VPS36: variants seen among roughly 807,000 people sequenced by gnomAD.
VPS36 encodes the protein vacuolar protein-sorting-associated protein 36.
In VPS36, 31 loss-of-function variants were observed where a neutral mutation model predicts 63.5. That is an observed-to-expected ratio of 0.49 (90% CI 0.37 to 0.66). The LOEUF (loss-of-function observed/expected upper bound fraction) is 0.66, where lower values mean the gene tolerates loss of function less well. Among genes scored for constraint, VPS36 ranks in the 30% least tolerant of loss-of-function variants. The pLI is 0.00. For synonymous variants in VPS36, 138 were observed against 157.2 expected, an observed-to-expected ratio of 0.88 and a Z score of 0.91; for missense variants, 338 against 463.7, an observed-to-expected ratio of 0.73 and a Z score of 2.49.
intron 6 of VPS36, among the ~76,000 whole-genome samples, chr13:52,433,011 T>TA (rs968067233): frequency 2.0e-5 from 3 of 152,202 alleles, no homozygotes; most frequent in Admixed American, 6.5e-5. Context: ...CATCATTTCA[T>TA]AAAAAACCAA....
intron 6 of VPS36, 113 bp from the exon 7 acceptor site, chr13:52,427,332 G>A (rs900688270): frequency 1.3e-5 from 15 of 1,121,174 alleles, no homozygotes; most frequent in African/African-American, 4.7e-5. Flanking sequence ...TCAGCCGGGC[G>A]CAGTGGCTCA....
intron 10 of VPS36, among the ~76,000 whole-genome samples, chr13:52,422,191 G>A (rs4297582): frequency 0.95 from 145,045 of 152,316 alleles, 69,066 homozygotes; most frequent in East Asian, 0.99. Flanking sequence ...TTTTTAGCTC[G>A]CACATGAGTG....
chr13:52,441,771 G>A (rs1332232357), intron 2 of VPS36, among the ~76,000 whole-genome samples: 4 of 151,768 alleles, frequency 2.6e-5, no homozygotes, highest in Admixed American at 1.3e-4. Flanking sequence ...GGGGGGATGC[G>A]TGGGGGACTC....
chr13:52,425,800 C>G lies in VPS36; in HGVS notation c.774+132G>C, dbSNP rs1958095880. On this transcript the variant is annotated intron_variant, in intron 9 of 13. Transcript: ENST00000378060. ...AGCACAATGAACTTATTTAATATAC[C>G]TGAAAGAAAAAAAAAACATGTCAGT... 11 of 982,872 alleles carry G rather than the reference C, an allele frequency of 1.1e-5. No individual in the cohort carries two copies. The East Asian group carries it at 3.3e-4, about 30-fold the overall frequency. 60.9% of individuals were successfully genotyped at this position (982,872 alleles called of 1,614,324 possible).
At chr13:52,441,648 A>G (rs1016840110) in intron 2 of VPS36, among the ~76,000 whole-genome samples, 8 of 152,126 alleles carry the variant, frequency 5.3e-5, no homozygotes, top group Non-Finnish European at 7.4e-5. Flanking sequence ...GCTACTCAGG[A>G]GGCTGAGGCA....
Position 52,436,273 on chromosome 13 carries a change from T to A in VPS36, c.351+17A>T. The A allele has an allele frequency of 6.7e-7, 1 of 1,493,662 alleles. No homozygotes were observed. The highest frequency in any genetic ancestry group is 9.3e-7 in the Non-Finnish European group (1 of 1,080,044). The allele number at this position is 1,493,662 out of a possible 1,614,324, so 92.5% of individuals were successfully genotyped here. ...CACACACCTTTCTAGTACGATTTTA[T>A]TCATGTAGAAACTTACCTCAATCTG... On this transcript the variant is annotated intron_variant, in intron 4 of 13. Coordinates refer to ENST00000378060, the MANE Select transcript of VPS36 (RefSeq NM_016075.4).
intron 9 of VPS36, 36 bp downstream of exon 9, chr13:52,425,896 A>C (rs370328744): frequency 1.0e-5 from 16 of 1,589,322 alleles, no homozygotes; most frequent in Non-Finnish European, 1.4e-5. Flanking sequence ...CTAATTTAAC[A>C]CAGTTTAAAA....
intron 2 of VPS36, among the ~76,000 whole-genome samples, chr13:52,439,422 G>A (rs993832167): frequency 6.6e-6 from 1 of 151,816 alleles, no homozygotes; most frequent in African/African-American, 2.4e-5. Context: ...TACAATGGGT[G>A]TATTTTCTTT....
chr13:52,427,304 C>CA, intron 6 of VPS36, 85 bp from the exon 7 acceptor site: 1 of 1,506,236 alleles, frequency 6.6e-7, no homozygotes. Context: ...ATTTTTTCCC[C>CA]ATAAAAATTT....
chr13:52,416,002 A>G lies in VPS36; in HGVS notation c.1067+15T>C. The G allele has an allele frequency of 1.2e-6, 2 of 1,613,838 alleles. No homozygotes were observed. The highest frequency in any genetic ancestry group is 1.7e-6 in the Non-Finnish European group (2 of 1,179,912). On this transcript the variant is annotated intron_variant, in intron 13 of 13. Coordinates refer to ENST00000378060, the MANE Select transcript of VPS36 (RefSeq NM_016075.4). ...ACAAACATACATTGTAATGAAAGGT[A>G]AGAACCTTACTTACCTTTCTTTGGC...
intron 11 of VPS36, among the ~76,000 whole-genome samples, chr13:52,417,596 G>A (rs1163027673): frequency 6.6e-6 from 1 of 152,196 alleles, no homozygotes; most frequent in East Asian, 1.9e-4. Context: ...CCGACCTCAG[G>A]TGATCTGCCC....
chr13:52,432,254 G>C (rs1958166885), intron 6 of VPS36, among the ~76,000 whole-genome samples: 1 of 152,120 alleles, frequency 6.6e-6, no homozygotes, highest in Non-Finnish European at 1.5e-5. Context: ...GGGAGGCTGA[G>C]GCAGGAGAAT....
chr13:52,427,884 T>C (rs1958119288), intron 6 of VPS36, among the ~76,000 whole-genome samples: 1 of 152,196 alleles, frequency 6.6e-6, no homozygotes, highest in Admixed American at 6.5e-5. Context: ...TCTAAAATCA[T>C]TTTCTAATAG....
At chr13:52,431,063 G>A (rs1332197243) in intron 6 of VPS36, among the ~76,000 whole-genome samples, 3 of 151,920 alleles carry the variant, frequency 2.0e-5, no homozygotes, top group Non-Finnish European at 4.4e-5. Flanking sequence ...TACAGAATGA[G>A]GCTTCAGACA....
chr13:52,425,415 C>T (rs1170613068), intron 9 of VPS36, among the ~76,000 whole-genome samples: 2 of 151,978 alleles, frequency 1.3e-5, no homozygotes, highest in Admixed American at 6.6e-5. Context: ...GATGTGATGT[C>T]TGGGATTTGC....
At position 52,442,457 on chromosome 13, in the gene VPS36, G is replaced by A. The variant is rs752068735; in HGVS notation, c.97-12C>T. ...GCATCAAATTTTATCTAGAAAGAAA[G>A]AGCATCACAAAATATTAATAACATA... On this transcript the variant is annotated splice_polypyrimidine_tract_variant and intron_variant, in intron 1 of 13. Coordinates refer to ENST00000378060, the MANE Select transcript of VPS36 (RefSeq NM_016075.4). The A allele has an allele frequency of 6.2e-7, 1 of 1,608,242 alleles. No individual in the cohort carries two copies. The highest frequency in any genetic ancestry group is 8.5e-7 in the Non-Finnish European group (1 of 1,177,484).
chr13:52,446,665 G>GA (rs1348558543), intron 1 of VPS36, among the ~76,000 whole-genome samples: 1 of 151,174 alleles, frequency 6.6e-6, no homozygotes, highest in Non-Finnish European at 1.5e-5. Flanking sequence ...GTTCAGTGTT[G>GA]AAAATCTCGA....
chr13:52,439,870 G>A (rs144864220), intron 2 of VPS36, among the ~76,000 whole-genome samples: 3 of 152,254 alleles, frequency 2.0e-5, no homozygotes, highest in Non-Finnish European at 2.9e-5. Flanking sequence ...CATTTATGTA[G>A]ATGACTTTCT....
chr13:52,439,434 T>C (rs985690119), intron 2 of VPS36, among the ~76,000 whole-genome samples: 3 of 151,720 alleles, frequency 2.0e-5, no homozygotes, highest in African/African-American at 7.3e-5. Context: ...ATTTTCTTTA[T>C]TATTATTATT....
Sources: allele counts gnomAD v4.1 joint callset (sites outside exome capture counted in the v4.1 genomes callset), GRCh38; gene constraint gnomAD v4.1.1; transcripts MANE v1.5; gene names NCBI Gene and HGNC (gene_info 2026-07-23, HGNC 2026-07-21).